The following LIPA variants were observed in gnomAD, a reference collection of about 807,000 sequenced individuals.
The protein encoded by LIPA is lysosomal acid lipase/cholesteryl ester hydrolase.
LIPA carries 26 observed loss-of-function variants against 40.6 expected under a neutral mutation model. The observed-to-expected ratio is 0.64, with a 90% CI of 0.47 to 0.89. LIPA has a LOEUF of 0.89. LIPA is among the 40% of genes least tolerant of loss of function. The pLI is 0.00. For synonymous variants in LIPA, 188 were observed against 168.4 expected, an observed-to-expected ratio of 1.12 and a Z score of -0.90; for missense variants, 455 against 479.6, an observed-to-expected ratio of 0.95 and a Z score of 0.48.
chr10:89,245,604 T>C (rs180924736), intron 3 of LIPA, 72 bp downstream of exon 3: 2 of 815,422 alleles, frequency 2.5e-6, no homozygotes, highest in Non-Finnish European at 4.4e-6. Context: ...GTTTTTAAGT[T>C]AAATCTGAAC....
At chr10:89,339,970 G>A in intron 1 of LIPA, 10 of 1,614,226 alleles carry the variant, frequency 6.2e-6, no homozygotes, top group Non-Finnish European at 7.6e-6. Context: ...CAAATGTTAT[G>A]AGAAGGAACT....
intron 1 of LIPA, among the ~76,000 whole-genome samples, chr10:89,337,203 T>C (rs1006668839): frequency 1.3e-5 from 2 of 152,148 alleles, no homozygotes; most frequent in African/African-American, 2.4e-5. Flanking sequence ...TTTTATTTCT[T>C]TACATGTCTC....
intron 1 of LIPA, chr10:89,305,870 C>G: frequency 1.2e-6 from 1 of 856,386 alleles, no homozygotes; most frequent in Non-Finnish European, 1.9e-6. Flanking sequence ...TGTTAACAGC[C>G]TTTAGGAGGA....
At chr10:89,366,614 A>G (rs1237945766) in intron 2 of LIPA, among the ~76,000 whole-genome samples, 6 of 152,252 alleles carry the variant, frequency 3.9e-5, no homozygotes, top group Non-Finnish European at 7.3e-5. Context: ...GCAAATCAAA[A>G]CCACAGTGAG....
intron 2 of LIPA, among the ~76,000 whole-genome samples, chr10:89,412,330 C>T (rs569292052): frequency 1.8e-4 from 28 of 151,532 alleles, no homozygotes; most frequent in South Asian, 4.2e-4. Context: ...AGTTTGTAAA[C>T]GCACCAATCA....
upstream of LIPA, among the ~76,000 whole-genome samples, chr10:89,344,851 C>T (rs1054331870): frequency 3.9e-5 from 6 of 151,940 alleles, no homozygotes; most frequent in Non-Finnish European, 7.4e-5. Context: ...AGATAATAAA[C>T]GATAAGCCAG....
At chr10:89,289,548 A>T (rs1589590045) in intron 1 of LIPA, among the ~76,000 whole-genome samples, 1 of 152,256 alleles carries the variant, frequency 6.6e-6, no homozygotes, top group Non-Finnish European at 1.5e-5. Flanking sequence ...AGGGTCTGAA[A>T]AGGCCACCAT....
At chr10:89,265,257 A>G (rs1019667993) in intron 1 of LIPA, among the ~76,000 whole-genome samples, 1 of 152,132 alleles carries the variant, frequency 6.6e-6, no homozygotes, top group Non-Finnish European at 1.5e-5. Context: ...CCCAAACTGC[A>G]GGGATGCCTA....
At chr10:89,286,621 G>C (rs1187869091) in intron 1 of LIPA, among the ~76,000 whole-genome samples, 1 of 152,074 alleles carries the variant, frequency 6.6e-6, no homozygotes, top group Non-Finnish European at 1.5e-5. Context: ...TTCATGGCTT[G>C]TTTGGCATCA....
intron 2 of LIPA, among the ~76,000 whole-genome samples, chr10:89,394,600 A>C (rs1343815005): frequency 3.6e-5 from 1 of 28,078 alleles, no homozygotes; most frequent in African/African-American, 3.0e-4. Context: ...ATATATATAT[A>C]TATATATATA....
upstream of LIPA, among the ~76,000 whole-genome samples, chr10:89,344,627 A>C (rs1589616831): frequency 6.8e-6 from 1 of 147,844 alleles, no homozygotes; most frequent in South Asian, 2.1e-4. Flanking sequence ...AAAAAAAAAA[A>C]CCTCAAGTAG....
intron 1 of LIPA, chr10:89,302,053 G>A: frequency 6.3e-7 from 1 of 1,591,632 alleles, no homozygotes; most frequent in Non-Finnish European, 8.6e-7. Flanking sequence ...GGTGGCAGAA[G>A]AGGAAGATTT....
chr10:89,257,363 T>C (rs1419522469), intron 1 of LIPA, among the ~76,000 whole-genome samples: 5 of 148,378 alleles, frequency 3.4e-5, no homozygotes, highest in Non-Finnish European at 7.5e-5. Context: ...GTAGTAGTGG[T>C]GTGTGTGTGT....
chr10:89,216,681 A>G (rs978392289), intron 8 of LIPA, among the ~76,000 whole-genome samples: 3 of 152,222 alleles, frequency 2.0e-5, no homozygotes, highest in Non-Finnish European at 4.4e-5. Context: ...AGCATATGAA[A>G]GGATATGCAT....
chr10:89,241,324 T>C (rs1842962452), intron 3 of LIPA, among the ~76,000 whole-genome samples: 1 of 151,904 alleles, frequency 6.6e-6, no homozygotes, highest in Non-Finnish European at 1.5e-5. Flanking sequence ...GCCATCAGAG[T>C]GCTACATGAG....
intron 1 of LIPA, chr10:89,328,031 T>C (rs1843615570): frequency 1.9e-6 from 3 of 1,613,040 alleles, no homozygotes; most frequent in Non-Finnish European, 2.5e-6. Context: ...CAAATCAGCC[T>C]GGTCACCAGC....
intron 3 of LIPA, among the ~76,000 whole-genome samples, chr10:89,234,241 G>A (rs1474533079): frequency 6.6e-6 from 1 of 152,194 alleles, no homozygotes; most frequent in Non-Finnish European, 1.5e-5. Context: ...CTCCCTGCCT[G>A]ATTCTGACGC....
chr10:89,300,359 G>A (rs918404363), intron 1 of LIPA, among the ~76,000 whole-genome samples: 2 of 152,128 alleles, frequency 1.3e-5, no homozygotes, highest in Non-Finnish European at 2.9e-5. Flanking sequence ...GCCGACTAGG[G>A]TGACTATACT....
At chr10:89,301,119 T>C (rs945954150) in intron 1 of LIPA, among the ~76,000 whole-genome samples, 3 of 152,246 alleles carry the variant, frequency 2.0e-5, no homozygotes, top group African/African-American at 7.2e-5. Context: ...GTAGTTGTAT[T>C]ATTCCCAATT....
Sources: allele counts gnomAD v4.1 joint callset (sites outside exome capture counted in the v4.1 genomes callset), GRCh38; gene constraint gnomAD v4.1.1; transcripts MANE v1.5; gene names NCBI Gene and HGNC (gene_info 2026-07-23, HGNC 2026-07-21).